Variants in POLR1C observed in about 807,000 individuals in gnomAD.
POLR1C encodes RNA polymerase I and III subunit C, also known as DNA-directed RNA polymerases I and III subunit RPAC1.
In POLR1C, 42 loss-of-function variants were observed where a neutral mutation model predicts 38.3. The observed-to-expected ratio is 1.10, with a 90% CI of 0.86 to 1.42. POLR1C has a LOEUF of 1.42. Ranked by LOEUF, POLR1C falls within the 40% of genes most tolerant of loss-of-function variation. The pLI is 0.00. For synonymous variants in POLR1C, 163 were observed against 163.9 expected (o/e 0.99, Z 0.04); for missense variants, 507 against 450.5 (o/e 1.13, Z -1.14).
chr6:43,527,340 C>T (rs1186509273), intron 8 of POLR1C: 3 of 259,976 alleles, frequency 1.2e-5, no homozygotes, highest in South Asian at 1.0e-4. Context: ...GGCGTGATTT[C>T]GGCTCACTGC....
At chr6:43,539,170 G>T in intron 9 of POLR1C, 2 of 1,111,884 alleles carry the variant, frequency 1.8e-6, no homozygotes, top group East Asian at 2.5e-5. Context: ...AGGGGACGGT[G>T]TGGGGCTTGC....
chr6:43,551,240 A>C (rs1795214510), intron 10 of POLR1C: 2 of 1,483,610 alleles, frequency 1.3e-6, no homozygotes, highest in Non-Finnish European at 1.8e-6. Context: ...AAATAAAATA[A>C]ATAAAAATTA....
At chr6:43,523,377 AGT>A (rs1167696267), downstream of POLR1C, 7 of 297,218 alleles carry the variant, frequency 2.4e-5, no homozygotes, top group Admixed American at 4.7e-5. Flanking sequence ...CCCCTTAGGG[AGT>A]GGGGAAAGTT....
chr6:43,534,262 C>T (rs569420184), downstream of POLR1C, among the ~76,000 whole-genome samples: 1 of 152,326 alleles, frequency 6.6e-6, no homozygotes, highest in Non-Finnish European at 1.5e-5. Context: ...AGGACAGTAT[C>T]AGAGTCCAAA....
rs529985032 is a variant in POLR1C, at chr6:43,542,222, A to C, written c.*5-8746A>C. Among the ~76,000 whole-genome samples the C allele has an allele frequency of 3.9e-5, 6 of 152,256 alleles. No homozygotes were observed. In the South Asian group the frequency reaches 1.2e-3, roughly 32 times the overall value. On this transcript the variant is annotated intron_variant, in intron 9 of 10. Transcript: ENST00000607635. ...GAAAGCCTACCAGACCAATTCTGAAAGTACTGTAACACTTGACTAGTAATA... is the reference window on the plus strand; with the variant it reads ...GAAAGCCTACCAGACCAATTCTGAACGTACTGTAACACTTGACTAGTAATA...
downstream of POLR1C, chr6:43,525,973 A>G (rs369063720): frequency 8.1e-6 from 13 of 1,595,654 alleles, no homozygotes; most frequent in African/African-American, 2.7e-5. Flanking sequence ...ACAGAGAAGA[A>G]TATCTTGTTC....
At chr6:43,560,027 C>T in intron 10 of POLR1C, 2 of 932,066 alleles carry the variant, frequency 2.1e-6, no homozygotes, top group Non-Finnish European at 3.1e-6. Flanking sequence ...CCATGTCGCA[C>T]AGGCTGGTCT....
At chr6:43,520,908 A>G in intron 7 of POLR1C, 24 bp from the exon 8 acceptor site, 1 of 1,611,498 alleles carries the variant, frequency 6.2e-7, no homozygotes, top group Non-Finnish European at 8.5e-7. Context: ...AAAGGAATAA[A>G]AAAACATGGT....
intron 10 of POLR1C, chr6:43,554,967 G>T (rs1761974994): frequency 7.2e-6 from 1 of 138,850 alleles, no homozygotes. Context: ...TTGAGATGGA[G>T]TTTTGCTCTC....
downstream of POLR1C, among the ~76,000 whole-genome samples, chr6:43,524,172 A>G (rs1793383786): frequency 1.3e-5 from 2 of 152,058 alleles, no homozygotes; most frequent in South Asian, 4.1e-4. Context: ...ACCGACATGG[A>G]GAAACCCCGT....
rs767791371 is a variant in POLR1C at position 43,521,133 on chromosome 6, G to GT, written c.923-45dup. ...GTCTAGATGTGAAGTTTATGAGTAAGTTTTACAGGCAAGCCCTGCCTAGAC... is the reference window on the plus strand; with the variant it reads ...GTCTAGATGTGAAGTTTATGAGTAAGTTTTTACAGGCAAGCCCTGCCTAGAC... On this transcript the variant is annotated intron_variant, in intron 8 of 8. Transcript: ENST00000642195. The GT allele has an allele frequency of 6.8e-6, 11 of 1,610,294 alleles. No homozygotes were observed. The Admixed American group carries it at 1.0e-4, about 15-fold the overall frequency.
chr6:43,547,893 T>C (rs1217231340), intron 9 of POLR1C, among the ~76,000 whole-genome samples: 2 of 152,200 alleles, frequency 1.3e-5, no homozygotes, highest in Non-Finnish European at 2.9e-5. Context: ...TCCCAAATAT[T>C]ATTAGTAACA....
At chr6:43,526,183 G>A (rs1235126535), downstream of POLR1C, 14 of 478,590 alleles carry the variant, frequency 2.9e-5, no homozygotes, top group Non-Finnish European at 5.3e-5. Flanking sequence ...TTACTTTGTT[G>A]TTGGACAAAT....
At chr6:43,526,469 T>C, downstream of POLR1C, 1 of 581,180 alleles carries the variant, frequency 1.7e-6, no homozygotes, top group Non-Finnish European at 3.1e-6. Context: ...ACATATATGG[T>C]TGGGAGGAAA....
chr6:43,521,131 A>G lies in POLR1C; in HGVS notation c.923-51A>G, dbSNP rs762129277. 2.5e-6 allele frequency: 4 copies of G among 1,608,278 alleles called. No individual in the cohort carries two copies. In the East Asian group the frequency reaches 8.9e-5, roughly 36 times the overall value. ...CAGTCTAGATGTGAAGTTTATGAGT[A>G]AGTTTTACAGGCAAGCCCTGCCTAG... On this transcript the variant is annotated intron_variant, in intron 8 of 8. Transcript: ENST00000642195.
At chr6:43,525,082 A>AG, downstream of POLR1C, 1 of 1,569,692 alleles carries the variant, frequency 6.4e-7, no homozygotes, top group Non-Finnish European at 8.6e-7. Context: ...CATGAGGGGC[A>AG]GGGAAAAGGG....
intron 8 of POLR1C, chr6:43,528,065 C>T: frequency 7.7e-7 from 1 of 1,295,686 alleles, no homozygotes; most frequent in Non-Finnish European, 1.1e-6. Flanking sequence ...TGCTCTTCTA[C>T]CCTGGGACAG....
chr6:43,530,990 A>G (rs111692779), downstream of POLR1C, among the ~76,000 whole-genome samples: 442 of 152,366 alleles, frequency 2.9e-3, 1 homozygote, highest in African/African-American at 0.01. Context: ...TTAAAGACAG[A>G]TGTTGGTGGC....
chr6:43,522,849 T>C (rs541215506), downstream of POLR1C: 31 of 274,270 alleles, frequency 1.1e-4, 2 homozygotes, highest in African/African-American at 6.3e-4. Flanking sequence ...GTCCTCTCTT[T>C]ACAGGGCCTT....
Sources: gnomAD v4.1 joint callset for allele counts (sites outside exome capture counted in the v4.1 genomes callset) on GRCh38, gnomAD v4.1.1 for gene constraint, MANE v1.5 for transcripts, NCBI Gene and HGNC (gene_info 2026-07-23, HGNC 2026-07-21) for gene names.